The following KIAA1328 variants were observed in gnomAD, a reference collection of about 807,000 sequenced individuals.
KIAA1328 encodes the protein protein hinderin.
In KIAA1328, 52 loss-of-function variants were observed where a neutral mutation model predicts 68.1. The ratio of observed to expected loss-of-function variants is 0.76; its 90% CI spans 0.61 to 0.96. KIAA1328 has a LOEUF of 0.96. KIAA1328 is among the 40% of genes least tolerant of loss of function. KIAA1328 has a pLI of 0.00. For missense variants in KIAA1328, 641 were observed against 677.6 expected (o/e 0.95, Z 0.60); for synonymous variants, 232 against 239.4 (o/e 0.97, Z 0.28).
chr18:37,156,559 A>G (rs1389864548), intron 7 of KIAA1328, among the ~76,000 whole-genome samples: 1 of 152,086 alleles, frequency 6.6e-6, no homozygotes, highest in Admixed American at 6.6e-5. Flanking sequence ...CTCACAGTAC[A>G]TATCAGGCCC....
intron 6 of KIAA1328, among the ~76,000 whole-genome samples, chr18:37,006,230 A>C (rs1458926657): frequency 6.6e-6 from 1 of 152,156 alleles, no homozygotes; most frequent in African/African-American, 2.4e-5. Context: ...ATGTGATTTT[A>C]GTGGTGAAGA....
At chr18:37,106,136 G>T (rs1353678188) in intron 7 of KIAA1328, among the ~76,000 whole-genome samples, 5 of 151,930 alleles carry the variant, frequency 3.3e-5, no homozygotes, top group African/African-American at 4.8e-5. Context: ...AGCAGCTGGT[G>T]AATGGATAAA....
At chr18:36,974,464 C>T (rs1164195024) in intron 6 of KIAA1328, among the ~76,000 whole-genome samples, 2 of 152,132 alleles carry the variant, frequency 1.3e-5, no homozygotes, top group Non-Finnish European at 2.9e-5. Flanking sequence ...TATGTTACTG[C>T]AGTAGACATA....
intron 5 of KIAA1328, among the ~76,000 whole-genome samples, chr18:36,947,635 T>C (rs2050956060): frequency 6.6e-6 from 1 of 152,156 alleles, no homozygotes; most frequent in African/African-American, 2.4e-5. Context: ...TGGCCACCCT[T>C]AGAGGCAATT....
At position 37,089,401 on chromosome 18, in the gene KIAA1328, G is replaced by A. The variant is rs1293776652; in HGVS notation, c.1232+21856G>A. Reference sequence around the variant, plus strand: ...TTTTTTTTTTTTTTTTTTAGATGAAGTCTCATTCTGTCACCCGGGCTGGAG... The same window carrying A: ...TTTTTTTTTTTTTTTTTTAGATGAAATCTCATTCTGTCACCCGGGCTGGAG... On this transcript the variant is annotated intron_variant, in intron 7 of 9. Transcript: ENST00000280020. Among the ~76,000 whole-genome samples, 34 of 117,948 alleles carry A rather than the reference G, an allele frequency of 2.9e-4. No homozygotes were observed. The Admixed American group carries it at 3.4e-3, about 12-fold the overall frequency. 77.4% of individuals were successfully genotyped at this position (117,948 alleles called of 152,430 possible).
chr18:36,846,283 C>T lies in KIAA1328; in HGVS notation c.332+1981C>T, dbSNP rs1273271269. ...GGTTTGAAATAGTTAAGTATACTTA[C>T]GTCTCTTTTATCTTAAAAATGCTCC... On this transcript the variant is annotated intron_variant, in intron 4 of 9. Transcript: ENST00000280020. Among the ~76,000 whole-genome samples the T allele has an allele frequency of 4.0e-5, 6 of 151,506 alleles. No homozygotes were observed. The East Asian group carries it at 7.7e-4, about 19-fold the overall frequency.
intron 7 of KIAA1328, among the ~76,000 whole-genome samples, chr18:37,135,496 T>G (rs1018216883): frequency 6.6e-6 from 1 of 152,310 alleles, no homozygotes; most frequent in Middle Eastern, 3.4e-3. Flanking sequence ...CTGTCTGTCT[T>G]CTTTTCAGTT....
chr18:37,023,246 G>C, intron 6 of KIAA1328, among the ~76,000 whole-genome samples: 1 of 152,006 alleles, frequency 6.6e-6, no homozygotes, highest in East Asian at 1.9e-4. Flanking sequence ...ACAGGGTCTT[G>C]CTCTGTTGCC....
chr18:37,208,088 T>G (rs2060249668), intron 9 of KIAA1328, among the ~76,000 whole-genome samples: 1 of 152,180 alleles, frequency 6.6e-6, no homozygotes, highest in Non-Finnish European at 1.5e-5. Flanking sequence ...GGATTACAGA[T>G]GTGAGCCACT....
At chr18:36,941,473 C>T (rs990952742) in intron 5 of KIAA1328, among the ~76,000 whole-genome samples, 1 of 152,036 alleles carries the variant, frequency 6.6e-6, no homozygotes, top group Non-Finnish European at 1.5e-5. Flanking sequence ...TGGATGCCTG[C>T]AATCCCAGCT....
intron 6 of KIAA1328, among the ~76,000 whole-genome samples, chr18:36,969,048 T>C (rs2052062413): frequency 6.6e-6 from 1 of 152,112 alleles, no homozygotes; most frequent in African/African-American, 2.4e-5. Flanking sequence ...TTTGAGTAAA[T>C]AATGAAATTA....
At chr18:37,174,902 C>A (rs1351571250) in intron 9 of KIAA1328, among the ~76,000 whole-genome samples, 1 of 152,210 alleles carries the variant, frequency 6.6e-6, no homozygotes, top group East Asian at 1.9e-4. Context: ...CGATCTCTTG[C>A]CCTCATGATC....
intron 5 of KIAA1328, among the ~76,000 whole-genome samples, chr18:36,933,339 C>T (rs561301782): frequency 2.0e-5 from 3 of 152,258 alleles, no homozygotes; most frequent in South Asian, 2.1e-4. Flanking sequence ...GATCTGCTCC[C>T]GGGCCTTGGT....
At chr18:37,075,736 A>C (rs977232692) in intron 7 of KIAA1328, 22 of 152,236 alleles carry the variant, frequency 1.4e-4, no homozygotes, top group Non-Finnish European at 2.9e-4. Flanking sequence ...GAGACAAATA[A>C]GGCCATTACA....
At chr18:37,032,432 G>A (rs551586437) in intron 6 of KIAA1328, among the ~76,000 whole-genome samples, 2 of 151,496 alleles carry the variant, frequency 1.3e-5, no homozygotes, top group South Asian at 4.2e-4. Flanking sequence ...ATAGATCCTA[G>A]TTTTCATCTA....
chr18:37,109,189 T>G (rs1325698719), intron 7 of KIAA1328, among the ~76,000 whole-genome samples: 1 of 152,228 alleles, frequency 6.6e-6, no homozygotes, highest in East Asian at 1.9e-4. Flanking sequence ...TGATGGACAT[T>G]TGGATTGGTT....
chr18:36,939,080 T>C (rs746154001), intron 5 of KIAA1328, among the ~76,000 whole-genome samples: 1 of 152,184 alleles, frequency 6.6e-6, no homozygotes. Context: ...TTGGGGTCTT[T>C]TGTAGTACAG....
chr18:37,231,745 T>G (rs1348096577), downstream of KIAA1328: 13 of 152,840 alleles, frequency 8.5e-5, no homozygotes, highest in Admixed American at 7.2e-4. Context: ...CAGGATGCCC[T>G]AGGCCCGTGC....
intron 7 of KIAA1328, among the ~76,000 whole-genome samples, chr18:37,106,963 G>A (rs2057793566): frequency 6.6e-6 from 1 of 152,066 alleles, no homozygotes; most frequent in Admixed American, 6.6e-5. Flanking sequence ...TGAATTCTTG[G>A]CCAGGTGCAG....
Sources: allele counts gnomAD v4.1 joint callset (sites outside exome capture counted in the v4.1 genomes callset), GRCh38; gene constraint gnomAD v4.1.1; transcripts MANE v1.5; gene names NCBI Gene and HGNC (gene_info 2026-07-23, HGNC 2026-07-21).